Variants in SDK1 observed in about 807,000 individuals in gnomAD.
SDK1 encodes protein sidekick-1.
A neutral mutation model predicts 245.5 loss-of-function variants in SDK1; 157 were observed. The observed-to-expected ratio is 0.64, with a 90% CI of 0.56 to 0.73. SDK1 has a LOEUF of 0.73. SDK1 is among the 30% of genes least tolerant of loss of function. The pLI is 0.00. For synonymous variants in SDK1, 1,647 were observed against 1,278.5 expected (o/e 1.29, Z -6.15); for missense variants, 3,583 against 3,002.3 (o/e 1.19, Z -4.52).
At chr7:3,576,956 A>T (rs976861970) in intron 1 of SDK1, among the ~76,000 whole-genome samples, 4 of 151,960 alleles carry the variant, frequency 2.6e-5, no homozygotes, top group Non-Finnish European at 2.9e-5. Flanking sequence ...TAGACTTTTG[A>T]TGTGTATCCT....
At chr7:3,583,662 A>G (rs1339350137) in intron 1 of SDK1, among the ~76,000 whole-genome samples, 1 of 152,016 alleles carries the variant, frequency 6.6e-6, no homozygotes, top group African/African-American at 2.4e-5. Flanking sequence ...CACTTTGGAG[A>G]GGGAAATAAA....
At chr7:3,885,053 C>T (rs1422129283) in intron 5 of SDK1, among the ~76,000 whole-genome samples, 1 of 151,982 alleles carries the variant, frequency 6.6e-6, no homozygotes, top group Non-Finnish European at 1.5e-5. Context: ...CCCATCTCTG[C>T]CAATAGCCCC....
intron 2 of SDK1, 76 bp downstream of exon 2, chr7:3,619,315 G>C (rs888900587): frequency 4.1e-6 from 5 of 1,226,144 alleles, no homozygotes; most frequent in African/African-American, 1.5e-5. Flanking sequence ...GGTCATAATA[G>C]CACAATGAGT....
chr7:3,714,266 C>T lies in SDK1; in HGVS notation c.713+72161C>T, dbSNP rs181798634. On this transcript the variant is annotated intron_variant, in intron 4 of 44. Coordinates refer to ENST00000404826, the MANE Select transcript of SDK1 (RefSeq NM_152744.4). ...TGATCACTCCTTGTGTAGCCAGACC[C>T]GTTGCTTAAAATCTCTGAACTTCCT... Among the ~76,000 whole-genome samples the T allele has an allele frequency of 1.6e-3, 247 of 152,206 alleles. 1 individual carries two copies. The highest frequency in any genetic ancestry group is 6.8e-3 in the Middle Eastern group (2 of 294).
chr7:3,785,611 G>T (rs1198576484), intron 4 of SDK1, among the ~76,000 whole-genome samples: 1 of 152,156 alleles, frequency 6.6e-6, no homozygotes, highest in East Asian at 1.9e-4. Flanking sequence ...GACTATTGGT[G>T]TAAATGCTTT....
chr7:4,018,745 C>T (rs60163833), intron 17 of SDK1, among the ~76,000 whole-genome samples: 18,698 of 152,102 alleles, frequency 0.12, 1,339 homozygotes, highest in Non-Finnish European at 0.16. Flanking sequence ...TGGACTCTGG[C>T]TTTTATTCAG....
At chr7:3,562,901 C>G (rs188071725) in intron 1 of SDK1, among the ~76,000 whole-genome samples, 1 of 26,532 alleles carries the variant, frequency 3.8e-5, no homozygotes, top group East Asian at 8.4e-4. Context: ...AGCAAATACA[C>G]GGGCAGCTAC....
intron 1 of SDK1, among the ~76,000 whole-genome samples, chr7:3,583,258 C>T (rs1780571383): frequency 6.6e-6 from 1 of 152,202 alleles, no homozygotes; most frequent in Non-Finnish European, 1.5e-5. Context: ...TCTAAAATAA[C>T]ATTCTCCATC....
At chr7:4,135,054 TCTC>T (rs1475812287) in intron 28 of SDK1, among the ~76,000 whole-genome samples, 14 of 152,286 alleles carry the variant, frequency 9.2e-5, no homozygotes, top group African/African-American at 2.9e-4. Context: ...TGGTGAGGCT[TCTC>T]CTCAGCACGC....
chr7:3,707,597 T>G (rs572704578), intron 4 of SDK1, among the ~76,000 whole-genome samples: 5 of 152,218 alleles, frequency 3.3e-5, no homozygotes, highest in Non-Finnish European at 7.3e-5. Flanking sequence ...GTCCATTGTT[T>G]GTTCGTTGAC....
rs185040058 is a variant in SDK1 at position 3,800,661 on chromosome 7, C to T, written c.714-20789C>T. Reference sequence around the variant, plus strand: ...CTGGGATTACAGGTGTGAGCTGCCTCGCTCGGCTGCCGTCTTTTATTTTTT... The same window carrying T: ...CTGGGATTACAGGTGTGAGCTGCCTTGCTCGGCTGCCGTCTTTTATTTTTT... On this transcript the variant is annotated intron_variant, in intron 4 of 44. Transcript: ENST00000404826. Among the ~76,000 whole-genome samples the T allele has an allele frequency of 1.8e-3, 279 of 152,236 alleles. 1 individual carries two copies. Among genetic ancestry groups the T allele is most frequent in the Middle Eastern group, 6.8e-3 (2 of 294 alleles).
intron 1 of SDK1, among the ~76,000 whole-genome samples, chr7:3,494,495 TG>T (rs1781961807): frequency 6.6e-6 from 1 of 152,188 alleles, no homozygotes; most frequent in Non-Finnish European, 1.5e-5. Flanking sequence ...GAATTTTTTT[TG>T]TTTTCATTTT....
intron 4 of SDK1, among the ~76,000 whole-genome samples, chr7:3,727,499 CT>C (rs796141113): frequency 6.6e-6 from 1 of 151,234 alleles, no homozygotes; most frequent in African/African-American, 2.4e-5. Flanking sequence ...AGAGAATTTT[CT>C]TTTTTTTTGA....
intron 35 of SDK1, among the ~76,000 whole-genome samples, chr7:4,187,247 G>A (rs375731755): frequency 6.6e-5 from 10 of 152,144 alleles, no homozygotes; most frequent in Admixed American, 1.3e-4. Context: ...GTTAACCCAC[G>A]GCATTATTAC....
At chr7:3,781,054 A>G (rs1025765591) in intron 4 of SDK1, among the ~76,000 whole-genome samples, 1 of 151,872 alleles carries the variant, frequency 6.6e-6, no homozygotes, top group African/African-American at 2.4e-5. Context: ...CAGTCACTCA[A>G]CTCAGTCAAA....
chr7:4,177,394 C>G (rs542150363), intron 34 of SDK1, among the ~76,000 whole-genome samples: 15 of 152,334 alleles, frequency 9.8e-5, no homozygotes, highest in Non-Finnish European at 1.5e-4. Context: ...TTATTCTCAC[C>G]CTGTCACTTA....
intron 32 of SDK1, among the ~76,000 whole-genome samples, chr7:4,172,246 T>C (rs1438060388): frequency 6.6e-6 from 1 of 152,212 alleles, no homozygotes; most frequent in African/African-American, 2.4e-5. Flanking sequence ...TGGGGGCTGC[T>C]TGAGCTAATG....
chr7:3,459,364 G>A (rs530725122), intron 1 of SDK1, among the ~76,000 whole-genome samples: 4 of 152,200 alleles, frequency 2.6e-5, no homozygotes, highest in South Asian at 2.1e-4. Context: ...TGCACAAATC[G>A]TTTGCTGTTT....
Position 4,265,357 on chromosome 7 carries a change from G to A in SDK1, c.6615G>A (p.Pro2205=). The change falls in exon 45 of 45, where the codon CCG becomes CCA. Residue 2205 remains proline, a synonymous_variant. Coordinates refer to ENST00000404826, the MANE Select transcript of SDK1 (RefSeq NM_152744.4). ...CCGCTGGCCCCGGCGCGCGAACTCC[G>A]CTCACCGGCTTCTCCTCCTTCGTGT... ...YTPAGPGART[P]LTGFSSFV is the part of the protein sequence containing the mutation. 6.9e-7 allele frequency: 1 copy of A among 1,453,468 alleles called. No homozygotes were observed. The highest frequency in any genetic ancestry group is 1.4e-5 in the South Asian group (1 of 69,040). 90.0% of individuals were successfully genotyped at this position (1,453,468 alleles called of 1,614,324 possible). A position where few individuals can be genotyped will look rare whatever the true frequency, so the allele number is the denominator to read the frequency against.
Sources: gnomAD v4.1 joint callset for allele counts (sites outside exome capture counted in the v4.1 genomes callset) on GRCh38, gnomAD v4.1.1 for gene constraint, MANE v1.5 for transcripts, NCBI Gene and HGNC (gene_info 2026-07-23, HGNC 2026-07-21) for gene names.